The following ILKAP variants were observed in gnomAD, a reference collection of about 807,000 sequenced individuals.
ILKAP encodes the protein ILK associated serine/threonine phosphatase, also known as integrin-linked kinase-associated serine/threonine phosphatase 2C.
In ILKAP, 11 loss-of-function variants were observed where a neutral mutation model predicts 49.1. That is an observed-to-expected ratio of 0.22 (90% CI 0.14 to 0.37). ILKAP has a LOEUF of 0.37. ILKAP is among the 10% of genes least tolerant of loss of function. The pLI is 1.00. For missense variants in ILKAP, 363 were observed against 510.8 expected, an observed-to-expected ratio of 0.71 and a Z score of 2.79; for synonymous variants, 186 against 192.8, an observed-to-expected ratio of 0.96 and a Z score of 0.29.
intron 3 of ILKAP, 39 bp downstream of exon 3, chr2:238,194,235 AT>A: frequency 6.4e-7 from 1 of 1,559,032 alleles, no homozygotes; most frequent in Non-Finnish European, 8.8e-7. Flanking sequence ...AATACTATGT[AT>A]TATTTCCATC....
chr2:238,181,385 G>A (rs1430899845), intron 9 of ILKAP, among the ~76,000 whole-genome samples: 1 of 152,208 alleles, frequency 6.6e-6, no homozygotes, highest in African/African-American at 2.4e-5. Context: ...TCCTTTAGCT[G>A]CCTTGGATAG....
At chr2:238,174,262 G>A (rs7598219) in intron 9 of ILKAP, among the ~76,000 whole-genome samples, 20,899 of 152,170 alleles carry the variant, frequency 0.14, 1,722 homozygotes, top group Middle Eastern at 0.22. Flanking sequence ...TGGAGGAGAT[G>A]GGGCAGTGAT....
At chr2:238,196,888 A>G (rs1574808530) in intron 1 of ILKAP, among the ~76,000 whole-genome samples, 2 of 152,328 alleles carry the variant, frequency 1.3e-5, no homozygotes, top group Middle Eastern at 3.4e-3. Flanking sequence ...GTATACAAGA[A>G]GCAGAAGAAA....
intron 5 of ILKAP, chr2:238,185,509 A>T (rs1559294529): frequency 2.2e-6 from 1 of 449,054 alleles, no homozygotes; most frequent in Non-Finnish European, 4.0e-6. Flanking sequence ...TAAAAAAAAA[A>T]TACTTGTGTG....
intron 10 of ILKAP, among the ~76,000 whole-genome samples, chr2:238,172,581 G>A (rs1250749138): frequency 6.6e-6 from 1 of 152,238 alleles, no homozygotes; most frequent in African/African-American, 2.4e-5. Flanking sequence ...GCGGCTGCTG[G>A]AGAGATGATG....
intron 8 of ILKAP, 132 bp from the exon 9 acceptor site, chr2:238,182,318 G>C (rs35468889): frequency 1.4e-5 from 15 of 1,043,268 alleles, no homozygotes; most frequent in Non-Finnish European, 2.0e-5. Context: ...TCAGCCTCCT[G>C]CTGATAAACG....
intron 1 of ILKAP, among the ~76,000 whole-genome samples, chr2:238,202,745 G>C (rs991615884): frequency 6.6e-6 from 1 of 152,058 alleles, no homozygotes; most frequent in Non-Finnish European, 1.5e-5. Flanking sequence ...CAGGACGCAG[G>C]GATTAACACA....
intron 9 of ILKAP, 48 bp downstream of exon 9, chr2:238,182,017 C>A: frequency 6.2e-7 from 1 of 1,606,162 alleles, no homozygotes; most frequent in Non-Finnish European, 8.5e-7. Flanking sequence ...GACCCTTCTA[C>A]AGCTAACAGC....
At chr2:238,200,209 T>A (rs4663862) in intron 1 of ILKAP, among the ~76,000 whole-genome samples, 35,132 of 151,224 alleles carry the variant, frequency 0.23, 4,385 homozygotes, top group East Asian at 0.48. Flanking sequence ...CACTTTTTTT[T>A]AGGTAAAATA....
chr2:238,171,592 T>C (rs1189879396), intron 10 of ILKAP, among the ~76,000 whole-genome samples: 1 of 152,252 alleles, frequency 6.6e-6, no homozygotes. Flanking sequence ...GAATTATTAA[T>C]TACCTCAAAC....
intron 10 of ILKAP, among the ~76,000 whole-genome samples, chr2:238,173,164 C>A (rs1161139004): frequency 6.6e-6 from 1 of 152,214 alleles, no homozygotes; most frequent in Non-Finnish European, 1.5e-5. Flanking sequence ...CCACCACTCC[C>A]TCCGTCCCTC....
chr2:238,195,315 AG>A (rs1694299028), intron 1 of ILKAP, among the ~76,000 whole-genome samples: 1 of 152,194 alleles, frequency 6.6e-6, no homozygotes, highest in African/African-American at 2.4e-5. Flanking sequence ...AAAGACCTAC[AG>A]GTTTATAAAA....
rs1694671587 is a variant in ILKAP at position 238,203,612 on chromosome 2, G to A, written c.-59C>T. On this transcript the variant is annotated 5_prime_UTR_variant, in exon 1 of 12. Coordinates refer to ENST00000254654, the MANE Select transcript of ILKAP (RefSeq NM_030768.3). Reference sequence around the variant, plus strand: ...GACACTCAGCCCGCGAGCAGCGGCCGGGCTCCACACCCCGGGCGGGCGGCA... The same window carrying A: ...GACACTCAGCCCGCGAGCAGCGGCCAGGCTCCACACCCCGGGCGGGCGGCA... 3 of 1,043,148 alleles carry A rather than the reference G, an allele frequency of 2.9e-6. No individual in the cohort carries two copies. Among genetic ancestry groups the A allele is most frequent in the Non-Finnish European group, 3.6e-6 (3 of 842,878 alleles). The allele number at this position is 1,043,148 out of a possible 1,614,324, so 64.6% of individuals were successfully genotyped here.
chr2:238,180,639 A>G (rs563747534), intron 9 of ILKAP, among the ~76,000 whole-genome samples: 2 of 152,366 alleles, frequency 1.3e-5, no homozygotes, highest in South Asian at 2.1e-4. Context: ...GCTCAGGGGC[A>G]GCGACCCACG....
chr2:238,194,582 A>C (rs1694269052), intron 2 of ILKAP: 2 of 604,430 alleles, frequency 3.3e-6, no homozygotes, highest in African/African-American at 3.7e-5. Flanking sequence ...ACTCAAATGA[A>C]CCAGAGAAAA....
In ILKAP at chr2:238,170,816, G is replaced by A. The variant is rs762688490; in HGVS notation, c.1038+127C>T. The A allele has an allele frequency of 1.4e-5, 21 of 1,450,106 alleles. No homozygotes were observed. In the East Asian group the frequency reaches 4.5e-4, roughly 31 times the overall value. 89.8% of individuals were successfully genotyped at this position (1,450,106 alleles called of 1,614,324 possible). A position where few individuals can be genotyped will look rare whatever the true frequency, so the allele number is the denominator to read the frequency against. On this transcript the variant is annotated intron_variant, in intron 11 of 11. Transcript: ENST00000254654. ...AAACTGACCAGTGAGTCAGTAGGCA[G>A]AGTTCACACTGAAAAAGGGCACAAG...
chr2:238,202,819 AG>A (rs1488820326), intron 1 of ILKAP, among the ~76,000 whole-genome samples: 1 of 149,840 alleles, frequency 6.7e-6, no homozygotes, highest in African/African-American at 2.4e-5. Flanking sequence ...TCCCACTGGC[AG>A]GGGCCAGCGC....
Position 238,194,296 on chromosome 2 carries a change from G to T in ILKAP, c.157C>A (p.Pro53Thr). The change falls in exon 3 of 12, where the codon CCC becomes ACC. Residue 53 changes from proline to threonine, a missense_variant. This residue lies in a region of ILKAP where 114 missense variants were observed against 116.0 expected (regional missense o/e 0.98). Transcript: ENST00000254654. ...GGPLLFDDLP[P>T]ASSGDSGSLA... The stretch of plus-strand genomic sequence containing the variant: ...TTACCTGAATCGCCACTGCTAGCGG[G>T]TGGGAGATCATCAAAAAGCAAAGGT... The T allele has an allele frequency of 6.2e-7, 1 of 1,614,020 alleles. No homozygotes were observed. Among genetic ancestry groups the T allele is most frequent in the South Asian group, 1.1e-5 (1 of 91,060 alleles).
intron 6 of ILKAP, among the ~76,000 whole-genome samples, chr2:238,184,732 G>GT (rs35676364): frequency 0.49 from 70,966 of 143,556 alleles, 17,103 homozygotes; most frequent in East Asian, 0.61. Flanking sequence ...AGTTAGGTTT[G>GT]TTTTTTTTTT....
Sources: gnomAD v4.1 joint callset for allele counts (sites outside exome capture counted in the v4.1 genomes callset) on GRCh38, gnomAD v4.1.1 for gene constraint, gnomAD v4.1.1 regional missense constraint, MANE v1.5 for transcripts, NCBI Gene and HGNC (gene_info 2026-07-23, HGNC 2026-07-21) for gene names.